PRKG1: variants seen among roughly 807,000 people sequenced by gnomAD.
PRKG1 encodes the protein cGMP-dependent protein kinase 1.
A neutral mutation model predicts 88.1 loss-of-function variants in PRKG1; 35 were observed. That is an observed-to-expected ratio of 0.40 (90% CI 0.30 to 0.53). The LOEUF (loss-of-function observed/expected upper bound fraction) is 0.53. Among genes scored for constraint, PRKG1 ranks in the 20% least tolerant of loss-of-function variants. PRKG1 has a pLI of 0.59. For missense variants in PRKG1, 540 were observed against 839.8 expected, an observed-to-expected ratio of 0.64 and a Z score of 4.41; for synonymous variants, 303 against 292.5, an observed-to-expected ratio of 1.04 and a Z score of -0.37.
chr10:52,139,049 A>T (rs927599649), intron 8 of PRKG1, among the ~76,000 whole-genome samples: 1 of 152,112 alleles, frequency 6.6e-6, no homozygotes, highest in Non-Finnish European at 1.5e-5. Context: ...CTTGACACCC[A>T]GACTGGAGCC....
At chr10:51,162,219 T>C (rs1051260423) in intron 2 of PRKG1, among the ~76,000 whole-genome samples, 1 of 152,134 alleles carries the variant, frequency 6.6e-6, no homozygotes, top group Non-Finnish European at 1.5e-5. Flanking sequence ...CTGGTGTGGC[T>C]ACCATGGCAA....
intron 3 of PRKG1, among the ~76,000 whole-genome samples, chr10:51,613,739 C>G (rs1465567149): frequency 1.3e-5 from 2 of 151,584 alleles, no homozygotes; most frequent in Non-Finnish European, 3.0e-5. Context: ...TTTTCATTAA[C>G]CCAATGGTCA....
intron 4 of PRKG1, among the ~76,000 whole-genome samples, chr10:51,885,720 T>C (rs1841550693): frequency 6.6e-6 from 1 of 152,254 alleles, no homozygotes; most frequent in African/African-American, 2.4e-5. Flanking sequence ...TATTACTTTA[T>C]GCCCCAGCTA....
At chr10:51,189,130 G>A (rs1249814378) in intron 2 of PRKG1, among the ~76,000 whole-genome samples, 1 of 151,736 alleles carries the variant, frequency 6.6e-6, no homozygotes, top group Non-Finnish European at 1.5e-5. Flanking sequence ...GCTCTTCTTT[G>A]AGGAGCATGC....
chr10:51,089,163 T>C (rs1459674419), intron 1 of PRKG1, among the ~76,000 whole-genome samples: 2 of 152,188 alleles, frequency 1.3e-5, no homozygotes, highest in Non-Finnish European at 2.9e-5. Flanking sequence ...TTGTAATGCC[T>C]TTCCAAGGAA....
At chr10:51,799,048 G>A (rs574660066) in intron 3 of PRKG1, among the ~76,000 whole-genome samples, 3 of 151,746 alleles carry the variant, frequency 2.0e-5, no homozygotes, top group South Asian at 4.2e-4. Context: ...CATTACCAAG[G>A]TCCACCCACC....
At chr10:52,089,850 G>C (rs1437836603) in intron 7 of PRKG1, among the ~76,000 whole-genome samples, 1 of 97,820 alleles carries the variant, frequency 1.0e-5, no homozygotes, top group African/African-American at 4.2e-5. Context: ...TTGCTCTGTT[G>C]CCAGGCTGGA....
intron 9 of PRKG1, among the ~76,000 whole-genome samples, chr10:52,216,239 G>T (rs1403989284): frequency 1.3e-5 from 2 of 152,142 alleles, no homozygotes; most frequent in Non-Finnish European, 2.9e-5. Flanking sequence ...CAGCATGGAA[G>T]CTTAAATTTT....
intron 3 of PRKG1, among the ~76,000 whole-genome samples, chr10:51,494,223 C>A (rs1840788808): frequency 6.6e-6 from 1 of 152,070 alleles, no homozygotes; most frequent in South Asian, 2.1e-4. Flanking sequence ...GCACTCAGCT[C>A]TATAGCTTTG....
chr10:51,165,995 T>C (rs1031869923), intron 2 of PRKG1, among the ~76,000 whole-genome samples: 3 of 152,112 alleles, frequency 2.0e-5, no homozygotes, highest in South Asian at 2.1e-4. Context: ...TTTTTTTTTT[T>C]CATTTTTATG....
At chr10:51,544,324 C>G (rs182508146) in intron 3 of PRKG1, among the ~76,000 whole-genome samples, 1 of 151,604 alleles carries the variant, frequency 6.6e-6, no homozygotes, top group African/African-American at 2.4e-5. Flanking sequence ...TCTGTCCTTG[C>G]GATAGTTTGC....
At chr10:51,012,385 A>G (rs1332692357) in intron 1 of PRKG1, among the ~76,000 whole-genome samples, 1 of 152,156 alleles carries the variant, frequency 6.6e-6, no homozygotes, top group Admixed American at 6.5e-5. Context: ...TAACAGTGAT[A>G]TGTGTGTTTT....
At position 51,449,616 on chromosome 10, in the gene PRKG1, A is replaced by G. The variant is rs1386491369; in HGVS notation, c.479-18107A>G. Among the ~76,000 whole-genome samples the G allele has an allele frequency of 6.2e-5, 9 of 145,596 alleles. 1 individual carries two copies. Among genetic ancestry groups the G allele is most frequent in the African/African-American group, 2.4e-4 (9 of 38,096 alleles). ...AGAGAAGCATGTTTTCTTAGCATTC[A>G]AGCATAATTTAAAACCACTCTGCAC... On this transcript the variant is annotated intron_variant, in intron 2 of 17. Coordinates refer to ENST00000373980, the MANE Select transcript of PRKG1 (RefSeq NM_006258.4).
At chr10:51,962,072 A>G (rs941862670) in intron 5 of PRKG1, among the ~76,000 whole-genome samples, 1 of 152,200 alleles carries the variant, frequency 6.6e-6, no homozygotes, top group Non-Finnish European at 1.5e-5. Context: ...TCTATCCACC[A>G]AGGAGAGGCA....
Position 51,074,785 on chromosome 10 carries a change from G to A in PRKG1, c.195G>A (p.Ala65=), listed in dbSNP as rs1316840663. 17 of 1,613,816 alleles carry A rather than the reference G, an allele frequency of 1.1e-5. No individual in the cohort carries two copies. The highest frequency in any genetic ancestry group is 1.4e-5 in the Non-Finnish European group (17 of 1,179,946). The change falls in exon 1 of 18, where the codon GCG becomes GCA. Residue 65 remains alanine (A), a synonymous_variant. Coordinates refer to ENST00000373980, the MANE Select transcript of PRKG1 (RefSeq NM_006258.4). ...PATQQAQKQS[A]STLQGEPRTK... ...CCCAGCAGGCGCAGAAGCAGAGCGC[G>A]AGCACCTTGCAGGGCGAGCCGCGCA...
Position 52,258,209 on chromosome 10 carries a change from A to G in PRKG1, c.1173+6543A>G, listed in dbSNP as rs1281531849. 1.4e-5 allele frequency among the ~76,000 whole-genome samples: 2 copies of G among 138,946 alleles called. 1 individual carries two copies. Among genetic ancestry groups the G allele is most frequent in the Non-Finnish European group, 3.2e-5 (2 of 61,594 alleles). 91.2% of individuals were successfully genotyped at this position (138,946 alleles called of 152,430 possible). On this transcript the variant is annotated intron_variant, in intron 10 of 17. Coordinates refer to ENST00000373980, the MANE Select transcript of PRKG1 (RefSeq NM_006258.4). ...TTAATAGTTTCTCCTCTAAACCTGC[A>G]TATGATTTTAGAATAATCACTATAA...
At chr10:51,805,111 G>GAGTC (rs1181905775) in intron 4 of PRKG1, among the ~76,000 whole-genome samples, 1 of 152,052 alleles carries the variant, frequency 6.6e-6, no homozygotes, top group East Asian at 1.9e-4. Context: ...CTGTAAGGCC[G>GAGTC]AGTCATCTCT....
intron 4 of PRKG1, among the ~76,000 whole-genome samples, chr10:51,834,481 A>G (rs1372496906): frequency 1.3e-5 from 2 of 151,876 alleles, no homozygotes; most frequent in East Asian, 3.9e-4. Context: ...TCTCTACAAT[A>G]TATACAAAAA....
chr10:52,003,759 A>G (rs554095261), intron 5 of PRKG1, among the ~76,000 whole-genome samples: 8 of 152,300 alleles, frequency 5.3e-5, no homozygotes, highest in Non-Finnish European at 1.5e-5. Flanking sequence ...AGAGATAATA[A>G]TAACCTAGAG....
Sources: gnomAD v4.1 joint callset for allele counts (sites outside exome capture counted in the v4.1 genomes callset) on GRCh38, gnomAD v4.1.1 for gene constraint, MANE v1.5 for transcripts, NCBI Gene and HGNC (gene_info 2026-07-23, HGNC 2026-07-21) for gene names.